Variants in ARHGAP42 observed in about 807,000 individuals in gnomAD.
ARHGAP42 encodes the protein Rho GTPase activating protein 42.
In ARHGAP42, 63 loss-of-function variants were observed where a neutral mutation model predicts 125.0. The ratio of observed to expected loss-of-function variants is 0.50; its 90% CI spans 0.41 to 0.62. The LOEUF (loss-of-function observed/expected upper bound fraction) is 0.62. ARHGAP42 is among the 20% of genes least tolerant of loss of function. ARHGAP42 has a pLI of 0.00. For synonymous variants in ARHGAP42, 339 were observed against 351.0 expected, an observed-to-expected ratio of 0.97 and a Z score of 0.38; for missense variants, 766 against 1,024.2, an observed-to-expected ratio of 0.75 and a Z score of 3.44.
At chr11:100,862,372 C>T (rs1286370640) in intron 4 of ARHGAP42, among the ~76,000 whole-genome samples, 2 of 152,240 alleles carry the variant, frequency 1.3e-5, no homozygotes, top group East Asian at 1.9e-4. Context: ...ACACATATTC[C>T]AAGTTTTCTA....
chr11:100,858,690 A>G (rs957428697), intron 3 of ARHGAP42, among the ~76,000 whole-genome samples: 2 of 152,156 alleles, frequency 1.3e-5, no homozygotes, highest in South Asian at 4.1e-4. Flanking sequence ...TTTAAAAATA[A>G]GAGTTTTTCT....
At chr11:100,691,706 G>C (rs930773346) in intron 1 of ARHGAP42, among the ~76,000 whole-genome samples, 3 of 151,882 alleles carry the variant, frequency 2.0e-5, no homozygotes, top group African/African-American at 7.3e-5. Context: ...TTGTAGAGTC[G>C]AGGTTTTCAC....
intron 1 of ARHGAP42, among the ~76,000 whole-genome samples, chr11:100,756,810 A>C (rs113587790): frequency 0.014 from 2,071 of 152,324 alleles, 39 homozygotes; most frequent in African/African-American, 0.045. Flanking sequence ...CACAGCAGGC[A>C]GTTGCTCTCT....
chr11:100,772,201 A>G (rs2134992519), intron 2 of ARHGAP42, among the ~76,000 whole-genome samples: 1 of 152,312 alleles, frequency 6.6e-6, no homozygotes, highest in African/African-American at 2.4e-5. Context: ...CCACAAAAAG[A>G]AGGCTCTCAG....
rs1858873569 is a variant in ARHGAP42, at chr11:100,992,754, G to A, written c.*3953G>A. On this transcript the variant is annotated 3_prime_UTR_variant, in exon 24 of 24. Coordinates refer to ENST00000298815, the MANE Select transcript of ARHGAP42 (RefSeq NM_152432.4). ...TTGGATTTTTTATTTTTTGAGGGCAGCTGCCCTCACTGTTTTAAATAAAGA... is the reference window on the plus strand; with the variant it reads ...TTGGATTTTTTATTTTTTGAGGGCAACTGCCCTCACTGTTTTAAATAAAGA... The A allele has an allele frequency of 2.0e-6, 3 of 1,504,352 alleles. No individual in the cohort carries two copies. Among genetic ancestry groups the A allele is most frequent in the Middle Eastern group, 1.8e-4 (1 of 5,606 alleles). The allele number at this position is 1,504,352 out of a possible 1,614,324, so 93.2% of individuals were successfully genotyped here. A position where few individuals can be genotyped will look rare whatever the true frequency, so the allele number is the denominator to read the frequency against.
At chr11:100,779,735 C>G (rs902521507) in intron 2 of ARHGAP42, among the ~76,000 whole-genome samples, 1 of 151,048 alleles carries the variant, frequency 6.6e-6, no homozygotes, top group Non-Finnish European at 1.5e-5. Flanking sequence ...TCATTTAGAA[C>G]AAGTTTTTGG....
rs1858390775 is a variant in ARHGAP42, at chr11:100,976,351, T to C, written c.2150T>C (p.Ile717Thr). 1.3e-6 allele frequency: 2 copies of C among 1,551,532 alleles called. No individual in the cohort carries two copies. The highest frequency in any genetic ancestry group is 1.4e-5 in the African/African-American group (1 of 73,130). The change falls in exon 20 of 24, where the codon ATA becomes ACA. Residue 717 changes from isoleucine (I) to threonine (T), a missense_variant. Physicochemically the swap from Ile to Thr is moderately conservative, Grantham distance 89. Transcript: ENST00000298815. ...VTSPGDVSPP[I>T]DLVKKEPYGL... is the part of the protein sequence containing the mutation. The stretch of plus-strand genomic sequence containing the variant: ...AGCCCAGGAGACGTTTCCCCACCCA[T>C]AGACCTAGTCAAGAAAGAGCCTTAT...
At chr11:100,911,489 G>A (rs1468837803) in intron 4 of ARHGAP42, among the ~76,000 whole-genome samples, 1 of 152,080 alleles carries the variant, frequency 6.6e-6, no homozygotes, top group East Asian at 1.9e-4. Context: ...TAATTTGAAT[G>A]TGTGGAAATT....
rs868313458 is a variant in ARHGAP42, at chr11:100,903,117, G to A, written c.385-10335G>A. ...TCCTCAATCTTGCTGTCCAAGATGC[G>A]CACACACACACACACACACACACAC... is the stretch of plus-strand genomic sequence containing the variant. On this transcript the variant is annotated intron_variant, in intron 4 of 23. Coordinates refer to ENST00000298815, the MANE Select transcript of ARHGAP42 (RefSeq NM_152432.4). 5.0e-4 allele frequency among the ~76,000 whole-genome samples: 66 copies of A among 132,032 alleles called. 1 individual carries two copies. Among genetic ancestry groups the A allele is most frequent in the South Asian group, 3.8e-3 (14 of 3,722 alleles). 86.6% of individuals were successfully genotyped at this position (132,032 alleles called of 152,430 possible).
At chr11:100,827,976 C>T (rs1864564661) in intron 3 of ARHGAP42, among the ~76,000 whole-genome samples, 1 of 152,156 alleles carries the variant, frequency 6.6e-6, no homozygotes, top group African/African-American at 2.4e-5. Flanking sequence ...TTTTTATTTC[C>T]TAAGTGTTCA....
chr11:100,982,380 G>C (rs1858566526), intron 22 of ARHGAP42, among the ~76,000 whole-genome samples: 1 of 152,310 alleles, frequency 6.6e-6, no homozygotes, highest in South Asian at 2.1e-4. Flanking sequence ...CCAAGACTGA[G>C]GCCTCGGGAA....
At chr11:100,761,758 A>G (rs1313325365) in intron 1 of ARHGAP42, among the ~76,000 whole-genome samples, 1 of 152,234 alleles carries the variant, frequency 6.6e-6, no homozygotes, top group African/African-American at 2.4e-5. Flanking sequence ...TACAATGAAA[A>G]TATTTCATAT....
intron 1 of ARHGAP42, 193 bp downstream of exon 1, chr11:100,688,025 A>C: frequency 3.8e-6 from 2 of 528,202 alleles, no homozygotes; most frequent in South Asian, 6.5e-5. Flanking sequence ...ACATGTCTAC[A>C]GGGATGGGGA....
At chr11:100,972,725 G>A (rs1183725104) in intron 17 of ARHGAP42, among the ~76,000 whole-genome samples, 6 of 152,086 alleles carry the variant, frequency 3.9e-5, no homozygotes, top group Admixed American at 1.3e-4. Flanking sequence ...AAATTTGTAC[G>A]ATAGGAATAT....
chr11:100,915,519 C>T (rs1867038425), intron 5 of ARHGAP42, among the ~76,000 whole-genome samples: 1 of 152,132 alleles, frequency 6.6e-6, no homozygotes, highest in Non-Finnish European at 1.5e-5. Flanking sequence ...AAGGATATTG[C>T]TTAAACCACC....
At chr11:100,974,715 C>A in intron 19 of ARHGAP42, 112 bp downstream of exon 19, 1 of 1,099,218 alleles carries the variant, frequency 9.1e-7, no homozygotes, top group Non-Finnish European at 1.2e-6. Context: ...TGCTCTTTCC[C>A]CAACACCTCC....
chr11:100,787,308 T>C (rs1002164038), intron 2 of ARHGAP42, among the ~76,000 whole-genome samples: 5 of 151,918 alleles, frequency 3.3e-5, no homozygotes, highest in African/African-American at 9.7e-5. Context: ...GTTTCCCCTA[T>C]GTGCACTCTA....
intron 12 of ARHGAP42, among the ~76,000 whole-genome samples, chr11:100,954,427 C>A (rs1439359062): frequency 4.6e-5 from 7 of 152,192 alleles, no homozygotes; most frequent in Admixed American, 1.3e-4. Context: ...GGGATTGGAA[C>A]AGAAGATAGT....
At chr11:100,936,403 A>G (rs1486884387) in intron 8 of ARHGAP42, 71 bp downstream of exon 8, 8 of 1,517,940 alleles carry the variant, frequency 5.3e-6, no homozygotes, top group Admixed American at 2.1e-5. Flanking sequence ...CTTGGTTAGT[A>G]GTATTTCCTT....
Sources: gnomAD v4.1 joint callset for allele counts (sites outside exome capture counted in the v4.1 genomes callset) on GRCh38, gnomAD v4.1.1 for gene constraint, MANE v1.5 for transcripts, NCBI Gene and HGNC (gene_info 2026-07-23, HGNC 2026-07-21) for gene names.